Variants in MYO5A observed in about 807,000 individuals in gnomAD.
MYO5A encodes the protein unconventional myosin-Va.
In MYO5A, 98 loss-of-function variants were observed where a neutral mutation model predicts 249.7. The observed-to-expected ratio is 0.39, with a 90% confidence interval of 0.33 to 0.46. The LOEUF (loss-of-function observed/expected upper bound fraction) is 0.46. MYO5A is among the 20% of genes least tolerant of loss of function. The pLI is 0.98. For synonymous variants in MYO5A, 778 were observed against 810.6 expected (o/e 0.96, Z 0.68); for missense variants, 1,696 against 2,308.8 (o/e 0.73, Z 5.44).
At chr15:52,369,706 T>C (rs1308804374) in intron 22 of MYO5A, among the ~76,000 whole-genome samples, 1 of 152,112 alleles carries the variant, frequency 6.6e-6, no homozygotes. Flanking sequence ...GTGGGAGTTA[T>C]TTATATTCTA....
intron 1 of MYO5A, among the ~76,000 whole-genome samples, chr15:52,523,488 G>C (rs904408502): frequency 2.0e-5 from 3 of 152,180 alleles, no homozygotes; most frequent in Admixed American, 6.5e-5. Flanking sequence ...ACTGGGCTAG[G>C]CTCTACAGGA....
intron 9 of MYO5A, among the ~76,000 whole-genome samples, chr15:52,402,194 G>A (rs1370996924): frequency 6.6e-6 from 1 of 152,174 alleles, no homozygotes; most frequent in African/African-American, 2.4e-5. Context: ...GTAGTTTTTT[G>A]AGACCTTCCA....
At chr15:52,433,978 A>AT (rs2075601278) in intron 1 of MYO5A, among the ~76,000 whole-genome samples, 1 of 141,760 alleles carries the variant, frequency 7.1e-6, no homozygotes, top group Middle Eastern at 3.7e-3. Context: ...TACAATTTGG[A>AT]TTTTTTTGTT....
chr15:52,441,345 C>T (rs968018254), intron 1 of MYO5A, among the ~76,000 whole-genome samples: 2 of 151,954 alleles, frequency 1.3e-5, no homozygotes, highest in African/African-American at 2.4e-5. Context: ...TGTGTGTATA[C>T]ATAAATAATT....
intron 1 of MYO5A, among the ~76,000 whole-genome samples, chr15:52,460,829 G>A (rs1472345383): frequency 6.6e-6 from 1 of 151,866 alleles, no homozygotes; most frequent in Non-Finnish European, 1.5e-5. Context: ...ATCGACTAAG[G>A]AAATTCAGTG....
In MYO5A at chr15:52,482,793, C is replaced by T. The variant is rs188390004; in HGVS notation, c.27+45987G>A. ...GCAGCTCAAGGCAAGGAGCCTGAGG[C>T]CCAGATTCCTAATTTCTTGGCCCTA... On this transcript the variant is annotated intron_variant, in intron 1 of 41. Transcript: ENST00000399233. 7.0e-3 allele frequency among the ~76,000 whole-genome samples: 1,061 copies of T among 152,204 alleles called. 5 individuals are homozygous for T. The highest frequency in any genetic ancestry group is 0.01 in the Non-Finnish European group (690 of 68,012).
At chr15:52,479,574 C>T (rs527365961) in intron 1 of MYO5A, among the ~76,000 whole-genome samples, 1 of 151,834 alleles carries the variant, frequency 6.6e-6, no homozygotes, top group African/African-American at 2.4e-5. Flanking sequence ...TAATGGAATA[C>T]TTAAAAAAAA....
intron 1 of MYO5A, among the ~76,000 whole-genome samples, chr15:52,449,466 C>G (rs1007350610): frequency 1.1e-4 from 16 of 152,116 alleles, no homozygotes; most frequent in African/African-American, 3.9e-4. Flanking sequence ...AGCCCTTTCC[C>G]CCATCCTCAT....
chr15:52,384,697 G>A (rs1305576236), intron 14 of MYO5A, among the ~76,000 whole-genome samples: 3 of 152,164 alleles, frequency 2.0e-5, no homozygotes, highest in East Asian at 3.8e-4. Flanking sequence ...TCCACAAACT[G>A]TTTTAGCATC....
Position 52,528,830 on chromosome 15 carries a change from C to A in MYO5A, c.-24G>T. ...ATGGCGGGCCCCGCGCGCCTACGCC[C>A]CCCGCCTGTGCGGAGGCCGCACCTC... On this transcript the variant is annotated 5_prime_UTR_variant, in exon 1 of 42. Coordinates refer to ENST00000399233, the MANE Select transcript of MYO5A (RefSeq NM_001382347.1). 1 of 1,475,710 alleles carries A rather than the reference C, an allele frequency of 6.8e-7. No individual in the cohort carries two copies. The highest frequency in any genetic ancestry group is 1.3e-5 in the South Asian group (1 of 77,904). 91.4% of individuals were successfully genotyped at this position (1,475,710 alleles called of 1,614,324 possible).
At chr15:52,429,700 A>AAAAT in intron 2 of MYO5A, among the ~76,000 whole-genome samples, 1 of 151,856 alleles carries the variant, frequency 6.6e-6, no homozygotes, top group African/African-American at 2.4e-5. Context: ...AAAAAAAACA[A>AAAAT]AAAAACAAAA....
chr15:52,317,266 T>C, intron 39 of MYO5A, 44 bp from the exon 40 acceptor site: 1 of 1,595,144 alleles, frequency 6.3e-7, no homozygotes, highest in Non-Finnish European at 8.6e-7. Flanking sequence ...TTGCTGAATT[T>C]TGTCAAAAAT....
intron 1 of MYO5A, among the ~76,000 whole-genome samples, chr15:52,440,327 G>A (rs565679193): frequency 6.6e-6 from 1 of 151,888 alleles, no homozygotes; most frequent in African/African-American, 2.4e-5. Context: ...GAGTGCAGTG[G>A]CACAATCTCT....
intron 5 of MYO5A, among the ~76,000 whole-genome samples, chr15:52,412,635 T>C (rs1368662871): frequency 6.6e-6 from 1 of 152,156 alleles, no homozygotes; most frequent in Admixed American, 6.5e-5. Context: ...CAGTATCTTT[T>C]GTCCACTCCC....
At chr15:52,455,448 G>C (rs999980724) in intron 1 of MYO5A, among the ~76,000 whole-genome samples, 2 of 151,906 alleles carry the variant, frequency 1.3e-5, no homozygotes, top group Non-Finnish European at 2.9e-5. Context: ...GAATAGTTCC[G>C]AACTCATTCT....
At position 52,327,006 on chromosome 15, in the gene MYO5A, T is replaced by C. The variant is rs531569645; in HGVS notation, c.4710+846A>G. Among the ~76,000 whole-genome samples the C allele has an allele frequency of 1.0e-3, 156 of 152,336 alleles. 3 individuals are homozygous for C. The highest frequency in any genetic ancestry group is 3.4e-3 in the Middle Eastern group (1 of 292). On this transcript the variant is annotated intron_variant, in intron 36 of 41. Transcript: ENST00000399233. ...GCTCAGTTATATAACTTGGCTGTCT[T>C]TTCCAAGTCTTTCCTCTCTGATTAG...
At chr15:52,466,754 C>A (rs78344076) in intron 1 of MYO5A, among the ~76,000 whole-genome samples, 1 of 152,184 alleles carries the variant, frequency 6.6e-6, no homozygotes, top group Non-Finnish European at 1.5e-5. Flanking sequence ...CTTTGCCCCC[C>A]ACTCCAAGAT....
At chr15:52,508,155 T>C (rs1274482387) in intron 1 of MYO5A, among the ~76,000 whole-genome samples, 3 of 152,174 alleles carry the variant, frequency 2.0e-5, no homozygotes, top group Admixed American at 6.5e-5. Context: ...TATGTATTTG[T>C]TATTTAATCA....
At chr15:52,507,430 C>A (rs55854724) in intron 1 of MYO5A, among the ~76,000 whole-genome samples, 1 of 151,924 alleles carries the variant, frequency 6.6e-6, no homozygotes, top group South Asian at 2.1e-4. Flanking sequence ...AGATTACAAT[C>A]GAAAGAGTAT....
Sources: gnomAD v4.1 joint callset for allele counts (sites outside exome capture counted in the v4.1 genomes callset) on GRCh38, gnomAD v4.1.1 for gene constraint, MANE v1.5 for transcripts, NCBI Gene and HGNC (gene_info 2026-07-23, HGNC 2026-07-21) for gene names.